Variants in OPTC observed in about 807,000 individuals in gnomAD.
OPTC encodes opticin, also known as oculoglycan.
In OPTC, 22 loss-of-function variants were observed where a neutral mutation model predicts 25.4. The ratio of observed to expected loss-of-function variants is 0.87; its 90% confidence interval spans 0.62 to 1.24. The LOEUF is 1.24. Ranked by LOEUF, OPTC falls within the 50% of genes most tolerant of loss-of-function variation. The pLI, the probability that OPTC is intolerant of heterozygous loss-of-function variation, is 0.00. For missense variants in OPTC, 417 were observed against 425.2 expected (o/e 0.98, Z 0.17); for synonymous variants, 169 against 179.3 (o/e 0.94, Z 0.46).
intron 6 of OPTC, among the ~76,000 whole-genome samples, 169 bp from the exon 7 acceptor site, chr1:203,503,381 C>T (rs1383795152): frequency 6.6e-6 from 1 of 152,098 alleles, no homozygotes; most frequent in African/African-American, 2.4e-5. Context: ...TCCATCCCCC[C>T]TGGGGCTCCT....
chr1:203,503,042 A>G lies in OPTC; in HGVS notation c.828+33A>G, dbSNP rs768546055. The G allele has an allele frequency of 3.4e-5, 52 of 1,542,678 alleles. 1 individual carries two copies. The South Asian group carries it at 5.8e-4, about 17-fold the overall frequency. On this transcript the variant is annotated intron_variant, in intron 6 of 7. Transcript: ENST00000367222. Reference sequence around the variant, plus strand: ...GCACCACCCAGAGCAAGGGTGATAAACAGCGTGGAGGATGGAAGTTAGATA... The same window carrying G: ...GCACCACCCAGAGCAAGGGTGATAAGCAGCGTGGAGGATGGAAGTTAGATA...
intron 5 of OPTC, among the ~76,000 whole-genome samples, chr1:203,500,286 C>G (rs185019506): frequency 1.8e-5 from 1 of 54,386 alleles, no homozygotes. Flanking sequence ...TCCACCTCCA[C>G]CACCCACCTC....
chr1:203,503,495 C>A, intron 6 of OPTC, 55 bp from the exon 7 acceptor site: 1 of 1,568,088 alleles, frequency 6.4e-7, no homozygotes, highest in Non-Finnish European at 8.8e-7. Flanking sequence ...GCCTTTGGTG[C>A]TGCTTAAGGG....
chr1:203,508,305 G>A (rs1661530883), intron 7 of OPTC, among the ~76,000 whole-genome samples: 1 of 152,166 alleles, frequency 6.6e-6, no homozygotes, highest in Non-Finnish European at 1.5e-5. Context: ...CTAGAAAAAG[G>A]GGGGCTGCCT....
chr1:203,495,451 G>A (rs1661261893), intron 1 of OPTC, among the ~76,000 whole-genome samples: 1 of 152,184 alleles, frequency 6.6e-6, no homozygotes, highest in Non-Finnish European at 1.5e-5. Flanking sequence ...AGAAGGCGGA[G>A]GTTGCAGTGA....
chr1:203,494,928 A>G (rs1250689313), intron 1 of OPTC, among the ~76,000 whole-genome samples: 1 of 152,234 alleles, frequency 6.6e-6, no homozygotes, highest in East Asian at 1.9e-4. Context: ...ATACACAGGT[A>G]TCTAAGGAAA....
At chr1:203,501,536 C>T (rs6687039) in intron 5 of OPTC, among the ~76,000 whole-genome samples, 7,763 of 152,304 alleles carry the variant, frequency 0.051, 386 homozygotes, top group Admixed American at 0.16. Context: ...CCCATGTGCT[C>T]TCTCTCTTTC....
chr1:203,501,079 G>A (rs1571599411), intron 5 of OPTC, among the ~76,000 whole-genome samples: 2 of 152,220 alleles, frequency 1.3e-5, no homozygotes, highest in East Asian at 3.9e-4. Context: ...GTCTTTCTAT[G>A]ATCAAATACT....
chr1:203,501,719 T>C (rs1395175558), intron 5 of OPTC, among the ~76,000 whole-genome samples: 7 of 152,208 alleles, frequency 4.6e-5, no homozygotes, highest in Admixed American at 1.3e-4. Context: ...AGCCTTCTCC[T>C]GTCTGCAGTG....
intron 3 of OPTC, among the ~76,000 whole-genome samples, chr1:203,498,338 T>C (rs1488264805): frequency 1.3e-5 from 2 of 152,156 alleles, no homozygotes; most frequent in Non-Finnish European, 2.9e-5. Flanking sequence ...TGGCTTTACT[T>C]TTTGGGACCA....
intron 4 of OPTC, among the ~76,000 whole-genome samples, chr1:203,499,428 A>G (rs1032027258): frequency 1.2e-4 from 19 of 152,080 alleles, no homozygotes; most frequent in African/African-American, 4.6e-4. Context: ...GCCACTGCAC[A>G]GGACAAAACT....
chr1:203,496,455 C>T (rs1363273663), intron 2 of OPTC, among the ~76,000 whole-genome samples: 2 of 152,212 alleles, frequency 1.3e-5, no homozygotes, highest in African/African-American at 4.8e-5. Flanking sequence ...ATACTTGCCT[C>T]CCCCTGCCAA....
intron 1 of OPTC, 44 bp from the exon 2 acceptor site, chr1:203,495,921 G>A: frequency 1.1e-6 from 1 of 876,318 alleles, no homozygotes; most frequent in South Asian, 1.4e-5. Flanking sequence ...ACTCTGGAGA[G>A]CCTGTCCCTC....
intron 4 of OPTC, 29 bp downstream of exon 4, chr1:203,498,868 G>T (rs1156268920): frequency 1.9e-6 from 3 of 1,612,660 alleles, no homozygotes; most frequent in Admixed American, 1.7e-5. Flanking sequence ...AAAGAGGAGT[G>T]GGGGCAGGCA....
rs770093949 is a variant in OPTC at position 203,499,769 on chromosome 1, C to T, written c.650C>T (p.Pro217Leu). 2 of 1,612,742 alleles carry T rather than the reference C, an allele frequency of 1.2e-6. No individual in the cohort carries two copies. Among genetic ancestry groups the T allele is most frequent in the Non-Finnish European group, 1.7e-6 (2 of 1,179,920 alleles). Residue 217 changes from proline to leucine, a missense_variant, in exon 5 of 8, where the codon CCC becomes CTC. Coordinates refer to ENST00000367222, the MANE Select transcript of OPTC (RefSeq NM_014359.4). The part of the protein sequence containing the change: ...ILPENQLEAL[P>L]VLPSGIEFLD... ...CCAGAGAACCAGTTGGAAGCTCTGC[C>T]CGTGCTGCCCAGTGGCATTGAGTTC...
intron 1 of OPTC, among the ~76,000 whole-genome samples, chr1:203,494,687 T>A (rs1179986180): frequency 3.3e-5 from 5 of 152,130 alleles, no homozygotes; most frequent in South Asian, 2.1e-4. Context: ...ATAAAAAAAA[T>A]TTTAAAAGAA....
intron 3 of OPTC, 117 bp downstream of exon 3, chr1:203,497,232 G>T: frequency 1.9e-6 from 2 of 1,078,616 alleles, no homozygotes; most frequent in South Asian, 1.3e-5. Flanking sequence ...GAGGGTCAGG[G>T]CTACCCTTAC....
At chr1:203,504,730 T>C (rs1428709557) in intron 7 of OPTC, among the ~76,000 whole-genome samples, 1 of 152,216 alleles carries the variant, frequency 6.6e-6, no homozygotes, top group African/African-American at 2.4e-5. Flanking sequence ...ATGCGCTTCT[T>C]GTAGCACTTA....
At chr1:203,498,915 CTG>C in intron 4 of OPTC, 76 bp downstream of exon 4, 2 of 1,512,636 alleles carry the variant, frequency 1.3e-6, no homozygotes, top group South Asian at 1.1e-5. Flanking sequence ...GTCACCAACA[CTG>C]TGTTAGTGCC....
Sources: gnomAD v4.1 joint callset for allele counts (sites outside exome capture counted in the v4.1 genomes callset) on GRCh38, gnomAD v4.1.1 for gene constraint, MANE v1.5 for transcripts, NCBI Gene and HGNC (gene_info 2026-07-23, HGNC 2026-07-21) for gene names.